ADAMTSL4: variants seen among roughly 807,000 people sequenced by gnomAD.
ADAMTSL4 encodes ADAMTS like 4.
A neutral mutation model predicts 122.8 loss-of-function variants in ADAMTSL4; 97 were observed. The observed-to-expected ratio is 0.79, with a 90% CI of 0.67 to 0.93. ADAMTSL4 has a LOEUF of 0.93. Ranked by LOEUF, ADAMTSL4 falls within the 40% of genes least tolerant of loss-of-function variation. The pLI is 0.00. For missense variants in ADAMTSL4, 1,408 were observed against 1,453.5 expected (o/e 0.97, Z 0.51); for synonymous variants, 592 against 568.0 (o/e 1.04, Z -0.60).
In ADAMTSL4 at chr1:150,554,845, C is replaced by A; in HGVS notation, c.1234+378C>A. 1.7e-6 allele frequency: 1 copy of A among 605,372 alleles called. No homozygotes were observed. Among genetic ancestry groups the A allele is most frequent in the African/African-American group, 1.9e-5 (1 of 53,860 alleles). The allele number at this position is 605,372 out of a possible 1,614,324, so 37.5% of individuals were successfully genotyped here. On this transcript the variant is annotated intron_variant, in intron 7 of 18. Transcript: ENST00000271643. This position sits in a 1 kb window ranked among gnomAD's most constrained non-coding sequence, Gnocchi z 4.0. Reference sequence around the variant, plus strand: ...TATCGGTTGCTCCCAGGTTACCATCCGCTTCATTTTAGGCCTGTGTTAACT... The same window carrying A: ...TATCGGTTGCTCCCAGGTTACCATCAGCTTCATTTTAGGCCTGTGTTAACT...
In ADAMTSL4 at chr1:150,552,334, G is replaced by A. The variant is rs1309687048; in HGVS notation, c.20+26G>A. 1.3e-6 allele frequency: 2 copies of A among 1,554,900 alleles called. No homozygotes were observed. The highest frequency in any genetic ancestry group is 1.7e-6 in the Non-Finnish European group (2 of 1,147,874). On this transcript the variant is annotated intron_variant, in intron 3 of 18. Coordinates refer to ENST00000271643, the MANE Select transcript of ADAMTSL4 (RefSeq NM_019032.6). This position sits in a 1 kb window ranked among gnomAD's most constrained non-coding sequence, Gnocchi z 4.0. Reference sequence around the variant, plus strand: ...GTGAGAGAAGGGGCCACGGGTTGGGGGGGAGGAAAAGGGGAGGTGCTGGGA... The same window carrying A: ...GTGAGAGAAGGGGCCACGGGTTGGGAGGGAGGAAAAGGGGAGGTGCTGGGA...
In ADAMTSL4 at chr1:150,560,040, C is replaced by G. The variant is rs1486042762; in HGVS notation, c.3089-20C>G. On this transcript the variant is annotated intron_variant, in intron 18 of 18. Coordinates refer to ENST00000271643, the MANE Select transcript of ADAMTSL4 (RefSeq NM_019032.6). Reference sequence around the variant, plus strand: ...GGTCCTGGTGACTCTCTTGTGCCCACTGGCCTCCTCTGTCCCCAGATGATC... The same window carrying G: ...GGTCCTGGTGACTCTCTTGTGCCCAGTGGCCTCCTCTGTCCCCAGATGATC... 6.2e-7 allele frequency: 1 copy of G among 1,613,998 alleles called. No homozygotes were observed. Among genetic ancestry groups the G allele is most frequent in the East Asian group, 2.2e-5 (1 of 44,906 alleles).
At chr1:150,555,810 C>T in intron 8 of ADAMTSL4, 2 of 632,826 alleles carry the variant, frequency 3.2e-6, no homozygotes, top group Non-Finnish European at 5.6e-6. Flanking sequence ...TGCATGAACA[C>T]ATGCACACAC....
chr1:150,556,820 A>G lies in ADAMTSL4; in HGVS notation c.1749+27A>G, dbSNP rs760134040. 1.3e-6 allele frequency: 2 copies of G among 1,585,356 alleles called. No individual in the cohort carries two copies. The highest frequency in any genetic ancestry group is 1.7e-6 in the Non-Finnish European group (2 of 1,169,924). On this transcript the variant is annotated intron_variant, in intron 10 of 18. Transcript: ENST00000271643. This position sits in a 1 kb window ranked among gnomAD's most constrained non-coding sequence, Gnocchi z 4.1. ...TGAGCCTGGGGCCAGGGGCAGCTGAATGCTGGGGAGGGAGGCTGTTCCCTC... is the reference window on the plus strand; with the variant it reads ...TGAGCCTGGGGCCAGGGGCAGCTGAGTGCTGGGGAGGGAGGCTGTTCCCTC...
chr1:150,553,216 G>A lies in ADAMTSL4; in HGVS notation c.397G>A (p.Gly133Arg). The change falls in exon 5 of 19, where the codon GGG (glycine) becomes AGG (arginine). Residue 133 changes from glycine to arginine, a missense_variant. Gly to Arg is a moderately radical substitution (Grantham distance 125, BLOSUM62 -2). Coordinates refer to ENST00000271643, the MANE Select transcript of ADAMTSL4 (RefSeq NM_019032.6). ...GPLRGPASHL[G>R]REETQEIRAA... Reference sequence around the variant, plus strand: ...ACTTCGAGGTCCCGCTTCCCACCTAGGGAGAGAGGAGACCCAGGAGATTCG... The same window carrying A: ...ACTTCGAGGTCCCGCTTCCCACCTAAGGAGAGAGGAGACCCAGGAGATTCG... 1 of 1,608,080 alleles carries A rather than the reference G, an allele frequency of 6.2e-7. No individual in the cohort carries two copies. The highest frequency in any genetic ancestry group is 1.1e-5 in the South Asian group (1 of 90,420).
chr1:150,553,120 G>A lies in ADAMTSL4; in HGVS notation c.301G>A (p.Gly101Ser). Residue 101 changes from glycine to serine, a missense_variant, in exon 5 of 19, where the codon GGT becomes AGT. Gly to Ser is a moderately conservative substitution (Grantham distance 56, BLOSUM62 0). Coordinates refer to ENST00000271643, the MANE Select transcript of ADAMTSL4 (RefSeq NM_019032.6). ...AGAAGCCCTCCTCCCCCGGGGCCAGGGTCCCAGACCCCAGACTTCTCCAGA... is the reference window on the plus strand; with the variant it reads ...AGAAGCCCTCCTCCCCCGGGGCCAGAGTCCCAGACCCCAGACTTCTCCAGA... ...HPEALLPRGQGPRPQTSPETL... is the reference protein window; with the variant it reads ...HPEALLPRGQSPRPQTSPETL... 1 of 1,613,120 alleles carries A rather than the reference G, an allele frequency of 6.2e-7. No homozygotes were observed. Among genetic ancestry groups the A allele is most frequent in the Non-Finnish European group, 8.5e-7 (1 of 1,179,748 alleles).
chr1:150,560,025 ACT>A (rs1404788575), intron 18 of ADAMTSL4, 33 bp from the exon 19 acceptor site: 9 of 1,613,800 alleles, frequency 5.6e-6, no homozygotes, highest in African/African-American at 5.3e-5. Flanking sequence ...GGTCCTGGTG[ACT>A]CTCTTGTGCC....
rs770798771 is a variant in ADAMTSL4, at chr1:150,553,046, T to A, written c.227T>A (p.Val76Glu). Residue 76 changes from valine (V) to glutamate (E), a missense_variant, in exon 5 of 19, where the codon GTG (valine) becomes GAG (glutamate). Coordinates refer to ENST00000271643, the MANE Select transcript of ADAMTSL4 (RefSeq NM_019032.6). The stretch of plus-strand genomic sequence containing the variant: ...AGCCGGACATGTCAGCTCCCTACAG[T>A]GCAGCTCCACCCGAGTCTGCCCCTC... ...RRSRTCQLPT[V>E]QLHPSLPLPP... 6.2e-7 allele frequency: 1 copy of A among 1,613,102 alleles called. No homozygotes were observed. The highest frequency in any genetic ancestry group is 8.5e-7 in the Non-Finnish European group (1 of 1,179,834).
In ADAMTSL4 at chr1:150,550,135, T is replaced by G. The variant is rs1280027859; in HGVS notation, c.-85+240T>G. On this transcript the variant is annotated intron_variant, in intron 2 of 18. Coordinates refer to ENST00000271643, the MANE Select transcript of ADAMTSL4 (RefSeq NM_019032.6). ...CAGGTCTCTGTTCCTTGGTCTTCAC[T>G]GGGCAGTGTGGAGAGGTGTGGCCAG... The G allele has an allele frequency of 6.9e-6, 3 of 437,278 alleles. No individual in the cohort carries two copies. In the East Asian group the frequency reaches 2.1e-4, roughly 31 times the overall value. 27.1% of individuals were successfully genotyped at this position (437,278 alleles called of 1,614,324 possible). A position where few individuals can be genotyped will look rare whatever the true frequency, so the allele number is the denominator to read the frequency against.
Position 150,555,476 on chromosome 1 carries a change from C to T in ADAMTSL4, c.1282C>T (p.Arg428Cys), listed in dbSNP as rs747879178. 20 of 1,614,174 alleles carry T rather than the reference C, an allele frequency of 1.2e-5. No individual in the cohort carries two copies. The highest frequency in any genetic ancestry group is 4.4e-5 in the South Asian group (4 of 91,090). ...CELNCRPRGF[R>C]FYVRHTEKVQ... ...ACTGAACTGCCGGCCCCGTGGCTTC[C>T]GCTTCTATGTCCGTCACACTGAAAA... Residue 428 changes from arginine (R) to cysteine (C), a missense_variant, in exon 8 of 19, where the codon CGC becomes TGC. Coordinates refer to ENST00000271643, the MANE Select transcript of ADAMTSL4 (RefSeq NM_019032.6).
At position 150,554,374 on chromosome 1, in the gene ADAMTSL4, C is replaced by T. The variant is rs151226442; in HGVS notation, c.1141C>T (p.Pro381Ser). Residue 381 changes from proline (P) to serine (S), a missense_variant, in exon 7 of 19, where the codon CCT becomes TCT. Transcript: ENST00000271643. This position sits in a 1 kb window ranked among gnomAD's most constrained non-coding sequence, Gnocchi z 4.0. Reference sequence around the variant, plus strand: ...GTACCCCTCACCGCAGCCCTGCCCCCCTGAGCAGCCAGACCCCCGGGCCCT... The same window carrying T: ...GTACCCCTCACCGCAGCCCTGCCCCTCTGAGCAGCCAGACCCCCGGGCCCT... Reference protein sequence around the residue: ...LRACSQAPCPPEQPDPRALQC... With the variant: ...LRACSQAPCPSEQPDPRALQC... 6 of 1,613,262 alleles carry T rather than the reference C, an allele frequency of 3.7e-6. No homozygotes were observed. The highest frequency in any genetic ancestry group is 1.9e-4 in the Middle Eastern group (1 of 5,400).
At position 150,558,768 on chromosome 1, in the gene ADAMTSL4, C is replaced by T. The variant is rs1221495741; in HGVS notation, c.2559+119C>T. The T allele has an allele frequency of 3.2e-6, 5 of 1,572,434 alleles. No homozygotes were observed. The Admixed American group carries it at 7.4e-5, about 23-fold the overall frequency. ...ATCAAGCGCCTGCTATATGCCTGAC[C>T]CTGGGAACTCAGAGATAAGTGAGAA... is the stretch of plus-strand genomic sequence containing the variant. On this transcript the variant is annotated intron_variant, in intron 15 of 18. Coordinates refer to ENST00000271643, the MANE Select transcript of ADAMTSL4 (RefSeq NM_019032.6).
Position 150,559,199 on chromosome 1 carries a change from G to T in ADAMTSL4, c.2763+34G>T. 6.2e-7 allele frequency: 1 copy of T among 1,612,068 alleles called. No homozygotes were observed. The highest frequency in any genetic ancestry group is 8.5e-7 in the Non-Finnish European group (1 of 1,179,230). On this transcript the variant is annotated intron_variant, in intron 16 of 18. Coordinates refer to ENST00000271643, the MANE Select transcript of ADAMTSL4 (RefSeq NM_019032.6). The surrounding 1 kb of genome is among the most constrained non-coding windows in gnomAD (Gnocchi z 4.1). The stretch of plus-strand genomic sequence containing the variant: ...AGCGCCTGCTGAGAGCAGGAAGGGG[G>T]TGCCAGTCCCAGTGGGATTCCTTGT...
At position 150,558,637 on chromosome 1, in the gene ADAMTSL4, C is replaced by G. The variant is rs147256635; in HGVS notation, c.2547C>G (p.Asp849Glu). The change falls in exon 15 of 19, where the codon GAC becomes GAG. Residue 849 changes from aspartate (D) to glutamate (E), a missense_variant. Asp to Glu is a conservative substitution (Grantham distance 45). Coordinates refer to ENST00000271643, the MANE Select transcript of ADAMTSL4 (RefSeq NM_019032.6). ...GPCTTAWFHSDWSSKCSAECG... is the reference protein window; with the variant it reads ...GPCTTAWFHSEWSSKCSAECG... ...GTACTACTGCCTGGTTCCACAGCGA[C>G]TGGAGCTCCAAGGTGAGCCCGGAAC... 1.3e-4 allele frequency: 210 copies of G among 1,613,838 alleles called. No homozygotes were observed. The African/African-American group carries it at 2.4e-3, about 19-fold the overall frequency.
rs762207287 is a variant in ADAMTSL4, at chr1:150,559,291, C to T, written c.2768C>T (p.Ser923Phe). 1.2e-6 allele frequency: 2 copies of T among 1,614,062 alleles called. No homozygotes were observed. Among genetic ancestry groups the T allele is most frequent in the South Asian group, 2.2e-5 (2 of 91,082 alleles). Residue 923 changes from serine to phenylalanine, a missense_variant, in exon 17 of 19, where the codon TCC becomes TTC. Transcript: ENST00000271643. This position sits in a 1 kb window ranked among gnomAD's most constrained non-coding sequence, Gnocchi z 4.1. ...CCTGCCCTCCCCCTACACTAGTGCT[C>T]CTCCGAATGTGGCTCTGGCACACAG... Reference protein sequence around the residue: ...RWYTGPWGECSSECGSGTQRR... With the variant: ...RWYTGPWGECFSECGSGTQRR...
chr1:150,552,275 GT>G lies in ADAMTSL4; in HGVS notation c.-13del. ...TCCGCTCCTGCCTCCCCCTGGGGCA[GT>G]AGAGGGGGAGCGATGGAGAACTGGA... On this transcript the variant is annotated 5_prime_UTR_variant, in exon 3 of 19. Transcript: ENST00000271643. This position sits in a 1 kb window ranked among gnomAD's most constrained non-coding sequence, Gnocchi z 4.0. 1 of 1,552,928 alleles carries G rather than the reference GT, an allele frequency of 6.4e-7. No homozygotes were observed. Among genetic ancestry groups the G allele is most frequent in the Non-Finnish European group, 8.7e-7 (1 of 1,147,422 alleles).
intron 2 of ADAMTSL4, chr1:150,550,788 C>T (rs1039013356): frequency 6.6e-6 from 3 of 456,358 alleles, no homozygotes; most frequent in African/African-American, 2.0e-5. Flanking sequence ...ATCCCTGAGG[C>T]GCCCGCTCTG....
chr1:150,557,923 C>T, intron 13 of ADAMTSL4, 22 bp from the exon 14 acceptor site: 1 of 1,600,428 alleles, frequency 6.2e-7, no homozygotes, highest in South Asian at 1.1e-5. Flanking sequence ...CCGCCTCTTC[C>T]CTGCCCTGCT....
chr1:150,555,677 G>C, intron 8 of ADAMTSL4, 112 bp downstream of exon 8: 1 of 1,475,788 alleles, frequency 6.8e-7, no homozygotes, highest in African/African-American at 1.4e-5. Context: ...ACACATGCAA[G>C]CACATACACA....
Sources: allele counts gnomAD v4.1 joint callset, GRCh38; gene constraint gnomAD v4.1.1; non-coding constraint Gnocchi (gnomAD v3.1); transcripts MANE v1.5; gene names NCBI Gene and HGNC (gene_info 2026-07-23, HGNC 2026-07-21).